PTPRD: variants seen among roughly 807,000 people sequenced by gnomAD.
PTPRD encodes protein tyrosine phosphatase receptor type D.
Under a neutral mutation model 214.5 loss-of-function variants are expected in PTPRD, and 34 were observed. The observed-to-expected ratio is 0.16, with a 90% CI of 0.12 to 0.21. The LOEUF is 0.21. Among genes scored for constraint, PTPRD ranks in the 10% least tolerant of loss-of-function variants. The pLI, the probability that PTPRD is intolerant of heterozygous loss-of-function variation, is 1.00. For synonymous variants in PTPRD, 1,128 were observed against 845.7 expected (o/e 1.33, Z -5.79); for missense variants, 2,545 against 2,398.7 (o/e 1.06, Z -1.27).
chr9:9,838,892 G>A (rs1399663189), intron 5 of PTPRD, among the ~76,000 whole-genome samples: 4 of 151,912 alleles, frequency 2.6e-5, no homozygotes, highest in Non-Finnish European at 5.9e-5. Context: ...GGATTTTTAT[G>A]GTTTTAGGTC....
chr9:10,194,450 T>G (rs549073760), intron 3 of PTPRD, among the ~76,000 whole-genome samples: 1 of 151,178 alleles, frequency 6.6e-6, no homozygotes, highest in Non-Finnish European at 1.5e-5. Flanking sequence ...AGAGATTATA[T>G]AATTATAAAG....
chr9:10,098,995 C>A (rs1563794280), intron 3 of PTPRD, among the ~76,000 whole-genome samples: 1 of 151,702 alleles, frequency 6.6e-6, no homozygotes, highest in African/African-American at 2.4e-5. Context: ...AATGGGTGTA[C>A]CCTCTTTTGA....
At chr9:8,469,459 A>C (rs570648912) in intron 31 of PTPRD, among the ~76,000 whole-genome samples, 1 of 152,144 alleles carries the variant, frequency 6.6e-6, no homozygotes, top group African/African-American at 2.4e-5. Flanking sequence ...TTTCAACTTA[A>C]ACAGGATGAT....
At chr9:9,131,952 G>A (rs997304777) in intron 10 of PTPRD, among the ~76,000 whole-genome samples, 9 of 151,988 alleles carry the variant, frequency 5.9e-5, no homozygotes, top group Non-Finnish European at 8.8e-5. Context: ...TTTCATTTGA[G>A]GGGGAATTGT....
chr9:8,342,003 G>T, intron 39 of PTPRD, 25 bp from the exon 40 acceptor site: 1 of 1,564,452 alleles, frequency 6.4e-7, no homozygotes, highest in South Asian at 1.2e-5. Context: ...GAGAAGAAAA[G>T]CCCAAATAAA....
chr9:9,959,499 A>T lies in PTPRD; in HGVS notation c.-471-20889T>A, dbSNP rs1181305687. Among the ~76,000 whole-genome samples the T allele has an allele frequency of 2.0e-5, 3 of 152,216 alleles. No individual in the cohort carries two copies. In the East Asian group the frequency reaches 5.8e-4, roughly 29 times the overall value. ...AGTAAAACTTAATGTATAGACATTT[A>T]AAAAATTTAGCAGATTGGATGATCC... On this transcript the variant is annotated intron_variant, in intron 4 of 45. Coordinates refer to ENST00000381196, the MANE Select transcript of PTPRD (RefSeq NM_002839.4).
intron 12 of PTPRD, among the ~76,000 whole-genome samples, chr9:8,671,035 A>T (rs1365847170): frequency 6.6e-6 from 1 of 152,154 alleles, no homozygotes; most frequent in Non-Finnish European, 1.5e-5. Flanking sequence ...TCCTTCACTT[A>T]ATACTGTGGC....
chr9:10,413,741 A>T (rs1452258997), intron 2 of PTPRD, among the ~76,000 whole-genome samples: 1 of 151,864 alleles, frequency 6.6e-6, no homozygotes, highest in Non-Finnish European at 1.5e-5. Flanking sequence ...AAACAGCAAG[A>T]TATTGGTACA....
intron 9 of PTPRD, among the ~76,000 whole-genome samples, chr9:9,276,507 C>T (rs1417552532): frequency 1.3e-5 from 2 of 151,244 alleles, no homozygotes; most frequent in Non-Finnish European, 3.0e-5. Context: ...AATTGAGAGA[C>T]AACCTCTAGA....
At chr9:10,061,329 G>A (rs932851221) in intron 3 of PTPRD, among the ~76,000 whole-genome samples, 1 of 151,958 alleles carries the variant, frequency 6.6e-6, no homozygotes, top group Non-Finnish European at 1.5e-5. Context: ...GAATGGAAAG[G>A]ACCTATTATG....
chr9:10,179,359 C>T (rs577011219), intron 3 of PTPRD, among the ~76,000 whole-genome samples: 1 of 151,760 alleles, frequency 6.6e-6, no homozygotes, highest in Non-Finnish European at 1.5e-5. Flanking sequence ...ATATTGCCAA[C>T]ATAGAAAGCA....
intron 5 of PTPRD, among the ~76,000 whole-genome samples, chr9:9,859,313 C>G (rs2062191649): frequency 6.6e-6 from 1 of 152,056 alleles, no homozygotes; most frequent in Non-Finnish European, 1.5e-5. Context: ...AGACTAATAC[C>G]CATACCAATC....
At chr9:8,659,483 C>G (rs545059416) in intron 12 of PTPRD, among the ~76,000 whole-genome samples, 1 of 152,186 alleles carries the variant, frequency 6.6e-6, no homozygotes. Flanking sequence ...AAAAACCAGT[C>G]AAGAGGAAAG....
rs2135754960 is a variant in PTPRD, at chr9:8,484,129, C to T, written c.3403G>A (p.Glu1135Lys). Residue 1135 changes from glutamate (E) to lysine (K), a missense_variant, in exon 30 of 46, where the codon GAG becomes AAG. Physicochemically the swap from Glu to Lys is moderately conservative, Grantham distance 56. Coordinates refer to ENST00000381196, the MANE Select transcript of PTPRD (RefSeq NM_002839.4). ...TVQLPEVPAN[E>K]NIKGYYIIIV... ...CTTCAATCAACTTACTTTATATTCT[C>T]ATTTGCAGGTACTTCAGGCAGTTGC... 6.2e-7 allele frequency: 1 copy of T among 1,613,658 alleles called. No homozygotes were observed. The highest frequency in any genetic ancestry group is 8.5e-7 in the Non-Finnish European group (1 of 1,179,662).
At position 8,330,837 on chromosome 9, in the gene PTPRD, ACTCT is replaced by A. The variant is rs145038265; in HGVS notation, c.5534+741_5534+744del. ...TGAAGCAAAATATATTTTTTAATAA[ACTCT>A]CTCAAGAGTTTCACCATAAAAAGAT... is the stretch of plus-strand genomic sequence containing the variant. On this transcript the variant is annotated intron_variant, in intron 44 of 45. Coordinates refer to ENST00000381196, the MANE Select transcript of PTPRD (RefSeq NM_002839.4). Among the ~76,000 whole-genome samples the A allele has an allele frequency of 7.6e-3, 1,155 of 152,200 alleles. 18 individuals carry two copies. The highest frequency in any genetic ancestry group is 0.026 in the African/African-American group (1,097 of 41,508).
chr9:8,543,399 TACC>T (rs1436512291), intron 14 of PTPRD, among the ~76,000 whole-genome samples: 1 of 152,212 alleles, frequency 6.6e-6, no homozygotes, highest in Non-Finnish European at 1.5e-5. Context: ...TTTTGATGTT[TACC>T]ACAAGATTAA....
intron 12 of PTPRD, among the ~76,000 whole-genome samples, chr9:8,719,892 T>G (rs773831730): frequency 3.9e-5 from 6 of 152,078 alleles, no homozygotes; most frequent in Non-Finnish European, 8.8e-5. Flanking sequence ...TTTAAAAGTG[T>G]GTTATCTAGA....
chr9:8,477,112 G>A lies in PTPRD; in HGVS notation c.3414-6027C>T, dbSNP rs891032992. Among the ~76,000 whole-genome samples the A allele has an allele frequency of 2.0e-5, 3 of 149,806 alleles. No individual in the cohort carries two copies. The South Asian group carries it at 6.3e-4, about 31-fold the overall frequency. ...CAAATCATATGAGCTGAAAGAACTT[G>A]CTTGAAATGAAAAAAAAAAAAATAA... is the stretch of plus-strand genomic sequence containing the variant. On this transcript the variant is annotated intron_variant, in intron 30 of 45. Coordinates refer to ENST00000381196, the MANE Select transcript of PTPRD (RefSeq NM_002839.4).
chr9:9,263,049 T>A lies in PTPRD; in HGVS notation c.-202-79686A>T, dbSNP rs568301027. On this transcript the variant is annotated intron_variant, in intron 9 of 45. Coordinates refer to ENST00000381196, the MANE Select transcript of PTPRD (RefSeq NM_002839.4). ...TATAATACCAAGGGATTAATAGAAA[T>A]GCTAATCCTCAGGGTAAAAAAATTA... is the stretch of plus-strand genomic sequence containing the variant. 9.2e-5 allele frequency among the ~76,000 whole-genome samples: 14 copies of A among 151,744 alleles called. No individual in the cohort carries two copies. In the South Asian group the frequency reaches 2.9e-3, roughly 31 times the overall value.
Sources: allele counts gnomAD v4.1 joint callset (sites outside exome capture counted in the v4.1 genomes callset), GRCh38; gene constraint gnomAD v4.1.1; transcripts MANE v1.5; gene names NCBI Gene and HGNC (gene_info 2026-07-23, HGNC 2026-07-21).